The following ABCA1 variants were observed in gnomAD, a reference collection of about 807,000 sequenced individuals.
ABCA1 encodes ATP binding cassette subfamily A member 1.
A neutral mutation model predicts 262.5 loss-of-function variants in ABCA1; 133 were observed. The observed-to-expected ratio is 0.51, with a 90% CI of 0.44 to 0.59. The LOEUF (loss-of-function observed/expected upper bound fraction) is 0.59, where lower values mean the gene tolerates loss of function less well. Among genes scored for constraint, ABCA1 ranks in the 20% least tolerant of loss-of-function variants. The pLI is 0.00. For synonymous variants in ABCA1, 1,022 were observed against 1,043.5 expected, an observed-to-expected ratio of 0.98 and a Z score of 0.40; for missense variants, 2,452 against 2,777.5, an observed-to-expected ratio of 0.88 and a Z score of 2.63.
rs1192757579 is a variant in ABCA1, at chr9:104,884,468, A to G, written c.261T>C (p.Pro87=). 2 of 1,614,142 alleles carry G rather than the reference A, an allele frequency of 1.2e-6. No homozygotes were observed. The highest frequency in any genetic ancestry group is 3.3e-5 in the Admixed American group (2 of 60,012). Residue 87 remains proline (P), a synonymous_variant, in exon 4 of 50, where the codon CCT becomes CCC. Coordinates refer to ENST00000374736, the MANE Select transcript of ABCA1 (RefSeq NM_005502.4). ...TTCCAACAACTCCGGGAGCCTCCCC[A>G]GGAGTCGGGTAACGGAAACAGGGGT... ...ANNPCFRYPT[P]GEAPGVVGNF... is the part of the protein sequence containing the mutation.
chr9:104,818,927 C>G (rs1255372784), intron 22 of ABCA1, 44 bp from the exon 23 acceptor site: 1 of 1,536,560 alleles, frequency 6.5e-7, no homozygotes, highest in South Asian at 1.2e-5. Context: ...TGAGGCCTCT[C>G]AGTTCTGATT....
Position 104,828,676 on chromosome 9 carries a change from G to A in ABCA1, c.2115+240C>T, listed in dbSNP as rs73663558. 0.023 allele frequency among the ~76,000 whole-genome samples: 3,471 copies of A among 152,288 alleles called. 141 individuals carry two copies. The highest frequency in any genetic ancestry group is 0.079 in the African/African-American group (3,302 of 41,544). ...AGTTGAGCATGTGGTTATCTGGAAA[G>A]CATGAACCCTGCACTCTCATCCTAC... On this transcript the variant is annotated intron_variant, in intron 15 of 49. Coordinates refer to ENST00000374736, the MANE Select transcript of ABCA1 (RefSeq NM_005502.4).
At chr9:104,803,958 G>T (rs1020419414) in intron 32 of ABCA1, among the ~76,000 whole-genome samples, 14 of 152,176 alleles carry the variant, frequency 9.2e-5, no homozygotes, top group African/African-American at 3.1e-4. Context: ...GACATATGGA[G>T]AAATTATGCT....
At chr9:104,831,499 G>A in intron 13 of ABCA1, 123 bp downstream of exon 13, 1 of 837,962 alleles carries the variant, frequency 1.2e-6, no homozygotes, top group Non-Finnish European at 1.8e-6. Flanking sequence ...ACCAAGTTGA[G>A]TTTTTTTGTT....
Position 104,803,275 on chromosome 9 carries a change from G to C in ABCA1, c.4592+9C>G. ...CTGAGCTAAACGTGCCAGAAAGACA[G>C]CAACTTACCTAAACTCATTCACCCA... On this transcript the variant is annotated intron_variant, in intron 33 of 49. Coordinates refer to ENST00000374736, the MANE Select transcript of ABCA1 (RefSeq NM_005502.4). 1.2e-6 allele frequency: 2 copies of C among 1,614,112 alleles called. No homozygotes were observed. Among genetic ancestry groups the C allele is most frequent in the Non-Finnish European group, 1.7e-6 (2 of 1,179,982 alleles).
intron 1 of ABCA1, among the ~76,000 whole-genome samples, chr9:104,913,234 C>T (rs1026591845): frequency 3.9e-5 from 6 of 152,122 alleles, no homozygotes; most frequent in African/African-American, 1.4e-4. Context: ...GCAGAAAACT[C>T]CCCAAATCCT....
At chr9:104,823,683 TGA>T in intron 18 of ABCA1, among the ~76,000 whole-genome samples, 1 of 152,078 alleles carries the variant, frequency 6.6e-6, no homozygotes, top group South Asian at 2.1e-4. Flanking sequence ...AGTTCTCCTG[TGA>T]GAGCAAACAG....
intron 1 of ABCA1, among the ~76,000 whole-genome samples, chr9:104,915,895 C>A (rs1218190581): frequency 6.6e-6 from 1 of 152,076 alleles, no homozygotes; most frequent in African/African-American, 2.4e-5. Flanking sequence ...TGTCCCAAAA[C>A]GGAGTGCCAT....
intron 46 of ABCA1, 86 bp downstream of exon 46, chr9:104,787,834 A>G: frequency 6.2e-7 from 1 of 1,613,380 alleles, no homozygotes; most frequent in South Asian, 1.1e-5. Context: ...CCAATCATAC[A>G]ACAGCCCTGG....
Position 104,884,413 on chromosome 9 carries a change from G to A in ABCA1, c.302+14C>T, listed in dbSNP as rs1838969591. ...ACTGACAAGTTTGGAAAGAAAACCT[G>A]ATCTGATACTTACATGGATTTGTTA... On this transcript the variant is annotated intron_variant, in intron 4 of 49. Coordinates refer to ENST00000374736, the MANE Select transcript of ABCA1 (RefSeq NM_005502.4). 6.2e-7 allele frequency: 1 copy of A among 1,614,166 alleles called. No individual in the cohort carries two copies. Among genetic ancestry groups the A allele is most frequent in the East Asian group, 2.2e-5 (1 of 44,884 alleles).
intron 1 of ABCA1, among the ~76,000 whole-genome samples, chr9:104,906,908 G>C (rs961529752): frequency 1.3e-5 from 2 of 152,102 alleles, no homozygotes; most frequent in Non-Finnish European, 2.9e-5. Context: ...AGGCCACTCT[G>C]ATCCTGCTCC....
chr9:104,862,669 C>CA lies in ABCA1; in HGVS notation c.422-870_422-869insT, dbSNP rs1836651225. On this transcript the variant is annotated intron_variant, in intron 5 of 49. Coordinates refer to ENST00000374736, the MANE Select transcript of ABCA1 (RefSeq NM_005502.4). ...CGGGCCGGGCCGGGCCGGGCCGGGC[C>CA]GGGCCGGGCCGGGCCGGGCCGGGCC... 7.1e-4 allele frequency among the ~76,000 whole-genome samples: 7 copies of CA among 9,806 alleles called. 2 individuals are homozygous for CA. The highest frequency in any genetic ancestry group is 2.7e-3 in the African/African-American group (7 of 2,562). 6.4% of individuals were successfully genotyped at this position (9,806 alleles called of 152,430 possible).
In ABCA1 at chr9:104,845,517, G is replaced by A; in HGVS notation, c.773C>T (p.Thr258Ile). Reference protein sequence around the residue: ...PFPSKELAEATKTLLHSLGTL... With the variant: ...PFPSKELAEAIKTLLHSLGTL... ...CCCAAGACTATGCAGCAATGTTTTTGTGGCTTCAGCCAGCTCCTTGCTCGG... is the reference window on the plus strand; with the variant it reads ...CCCAAGACTATGCAGCAATGTTTTTATGGCTTCAGCCAGCTCCTTGCTCGG... Residue 258 changes from threonine to isoleucine, a missense_variant, in exon 8 of 50, where the codon ACA becomes ATA. Physicochemically the swap from Thr to Ile is moderately conservative, Grantham distance 89. This residue lies in a region of ABCA1 where 1,032 missense variants were observed against 1,089.7 expected (regional missense o/e 0.95). Transcript: ENST00000374736. The A allele has an allele frequency of 6.2e-7, 1 of 1,614,064 alleles. No individual in the cohort carries two copies. Among genetic ancestry groups the A allele is most frequent in the Non-Finnish European group, 8.5e-7 (1 of 1,179,960 alleles).
chr9:104,829,010 A>G lies in ABCA1; in HGVS notation c.2021T>C (p.Met674Thr). ...CCAGAGGATGCTGTTGTCCAGGCCC[A>G]TGATCCGCATGGTCTCTTTCAGCCG... ...EARLKETMRI[M>T]GLDNSILWFS... The change falls in exon 15 of 50, where the codon ATG (methionine) becomes ACG (threonine). Residue 674 changes from methionine (M) to threonine (T), a missense_variant. This residue lies in a region of ABCA1 where 1,032 missense variants were observed against 1,089.7 expected (regional missense o/e 0.95). Coordinates refer to ENST00000374736, the MANE Select transcript of ABCA1 (RefSeq NM_005502.4). 1.2e-6 allele frequency: 2 copies of G among 1,614,196 alleles called. No homozygotes were observed. The highest frequency in any genetic ancestry group is 1.3e-5 in the African/African-American group (1 of 75,052).
At chr9:104,859,184 T>G (rs190449578) in intron 6 of ABCA1, among the ~76,000 whole-genome samples, 2 of 152,380 alleles carry the variant, frequency 1.3e-5, no homozygotes, top group Admixed American at 1.3e-4. Context: ...AACTATGTTC[T>G]AACAATTTCA....
intron 1 of ABCA1, among the ~76,000 whole-genome samples, chr9:104,913,846 A>G (rs1234729700): frequency 6.6e-6 from 1 of 152,070 alleles, no homozygotes; most frequent in African/African-American, 2.4e-5. Flanking sequence ...CCCAGGCTGG[A>G]GTGCAGTGGC....
chr9:104,803,228 C>A (rs532469358), intron 33 of ABCA1, 56 bp downstream of exon 33: 1 of 1,586,826 alleles, frequency 6.3e-7, no homozygotes, highest in South Asian at 1.1e-5. Flanking sequence ...CAATCCAAGA[C>A]ACCTACAACA....
chr9:104,839,236 T>C (rs761300604), intron 9 of ABCA1, among the ~76,000 whole-genome samples: 1 of 152,142 alleles, frequency 6.6e-6, no homozygotes, highest in African/African-American at 2.4e-5. Context: ...AACACTGCCT[T>C]GCAGCTAAGA....
At chr9:104,856,931 A>C (rs1003161997) in intron 7 of ABCA1, among the ~76,000 whole-genome samples, 1 of 152,202 alleles carries the variant, frequency 6.6e-6, no homozygotes, top group Non-Finnish European at 1.5e-5. Context: ...AAATGTCTGC[A>C]CAAGTCAGCT....
Sources: allele counts gnomAD v4.1 joint callset (sites outside exome capture counted in the v4.1 genomes callset), GRCh38; gene constraint gnomAD v4.1.1; regional missense constraint gnomAD v4.1.1; transcripts MANE v1.5; gene names NCBI Gene and HGNC (gene_info 2026-07-23, HGNC 2026-07-21).